Variants in CASC3 observed in about 807,000 individuals in gnomAD.
CASC3 encodes protein CASC3.
Under a neutral mutation model 80.5 loss-of-function variants are expected in CASC3, and 30 were observed. The ratio of observed to expected loss-of-function variants is 0.37; its 90% confidence interval spans 0.28 to 0.51. The LOEUF (loss-of-function observed/expected upper bound fraction) is 0.51, where lower values mean the gene tolerates loss of function less well. CASC3 is among the 20% of genes least tolerant of loss of function. The probability of loss-of-function intolerance (pLI) is 0.94; values close to 1 mark genes in which losing one functional copy is unlikely to be tolerated. For missense variants in CASC3, 824 were observed against 922.2 expected, an observed-to-expected ratio of 0.89 and a Z score of 1.38; for synonymous variants, 312 against 333.6, an observed-to-expected ratio of 0.94 and a Z score of 0.70.
chr17:40,164,458 A>G (rs887306830), intron 7 of CASC3, among the ~76,000 whole-genome samples: 1 of 142,230 alleles, frequency 7.0e-6, no homozygotes, highest in Non-Finnish European at 1.5e-5. Flanking sequence ...TTATTTATTT[A>G]TTTGTTTTGA....
chr17:40,170,433 C>T lies in CASC3; in HGVS notation c.*42-14C>T. On this transcript the variant is annotated splice_polypyrimidine_tract_variant and intron_variant, in intron 13 of 13. Coordinates refer to ENST00000264645, the MANE Select transcript of CASC3 (RefSeq NM_007359.5). ...ACACTTTGGTGGTTCTTCCCTTTTTCCAACCCCTGTCAGAGCAGCAGAGGT... is the reference window on the plus strand; with the variant it reads ...ACACTTTGGTGGTTCTTCCCTTTTTTCAACCCCTGTCAGAGCAGCAGAGGT... The T allele has an allele frequency of 4.1e-6, 4 of 985,524 alleles. No homozygotes were observed. The highest frequency in any genetic ancestry group is 4.8e-6 in the Non-Finnish European group (4 of 829,952). The allele number at this position is 985,524 out of a possible 1,614,324, so 61.0% of individuals were successfully genotyped here. A position where few individuals can be genotyped will look rare whatever the true frequency, so the allele number is the denominator to read the frequency against.
chr17:40,145,399 C>T (rs1162690699), intron 3 of CASC3, among the ~76,000 whole-genome samples: 1 of 146,370 alleles, frequency 6.8e-6, no homozygotes, highest in Non-Finnish European at 1.5e-5. Context: ...GTCTCCATCT[C>T]TTGACGTCGT....
intron 3 of CASC3, among the ~76,000 whole-genome samples, chr17:40,144,562 C>T (rs563133376): frequency 1.3e-5 from 2 of 151,178 alleles, no homozygotes; most frequent in African/African-American, 4.9e-5. Context: ...CCAGGCTGGT[C>T]ATGAACTCGT....
At chr17:40,142,793 C>T (rs777995387) in intron 3 of CASC3, among the ~76,000 whole-genome samples, 2 of 151,852 alleles carry the variant, frequency 1.3e-5, no homozygotes, top group Non-Finnish European at 2.9e-5. Context: ...CCCAGCTACT[C>T]GGGAGGCTGA....
intron 3 of CASC3, among the ~76,000 whole-genome samples, chr17:40,160,734 C>T (rs1388232767): frequency 1.3e-5 from 2 of 151,640 alleles, no homozygotes; most frequent in Admixed American, 1.3e-4. Flanking sequence ...CGCCTCCCGG[C>T]TAATTTTTGT....
rs763992172 is a variant in CASC3 at position 40,168,215 on chromosome 17, A to G, written c.1763A>G (p.His588Arg). The G allele has an allele frequency of 1.2e-6, 2 of 1,613,824 alleles. No homozygotes were observed. The highest frequency in any genetic ancestry group is 2.2e-5 in the East Asian group (1 of 44,892). ...TCTCCTTATCCAGGTTTACATCCCC[A>G]CCAGACACCAGCTCCTCTGCCCAAT... The part of the protein sequence containing the change: ...MNLPHPGLHP[H>R]QTPAPLPNPG... Residue 588 changes from histidine (H) to arginine (R), a missense_variant, in exon 11 of 14, where the codon CAC becomes CGC. His to Arg is a conservative substitution (Grantham distance 29). Coordinates refer to ENST00000264645, the MANE Select transcript of CASC3 (RefSeq NM_007359.5).
At chr17:40,143,920 A>G (rs1988786719) in intron 3 of CASC3, among the ~76,000 whole-genome samples, 1 of 151,552 alleles carries the variant, frequency 6.6e-6, no homozygotes, top group Admixed American at 6.6e-5. Flanking sequence ...TACCCCATTT[A>G]CCCTTACATG....
chr17:40,141,261 G>A, intron 2 of CASC3, 27 bp downstream of exon 2: 1 of 1,605,718 alleles, frequency 6.2e-7, no homozygotes, highest in African/African-American at 1.3e-5. Flanking sequence ...ACCCCATTAG[G>A]ACAAGAGTTT....
At position 40,142,655 on chromosome 17, in the gene CASC3, C is replaced by T. The variant is rs571322507; in HGVS notation, c.297+1048C>T. On this transcript the variant is annotated intron_variant, in intron 3 of 13. Coordinates refer to ENST00000264645, the MANE Select transcript of CASC3 (RefSeq NM_007359.5). ...TATAATCCCAGCACTTTGTGAGGCCCAGGCGGGCGGATCACGAGGTCAGGA... is the reference window on the plus strand; with the variant it reads ...TATAATCCCAGCACTTTGTGAGGCCTAGGCGGGCGGATCACGAGGTCAGGA... Among the ~76,000 whole-genome samples the T allele has an allele frequency of 1.1e-3, 160 of 152,112 alleles. 1 individual carries two copies. The Middle Eastern group carries it at 0.024, about 23-fold the overall frequency.
intron 2 of CASC3, 152 bp from the exon 3 acceptor site, chr17:40,141,418 G>A: frequency 1.2e-6 from 1 of 835,090 alleles, no homozygotes; most frequent in Non-Finnish European, 2.0e-6. Context: ...TACCCTCTGA[G>A]CCTGTTTCTC....
Position 40,164,164 on chromosome 17 carries a change from G to A in CASC3, c.1469G>A (p.Arg490Gln), listed in dbSNP as rs573143979. ...QPSFLQPREL[R>Q]GMPNHIHMGA... ...TCTTTCCTGCAACCACGGGAACTTC[G>A]AGGTAGGTATCATAGGATTGGTGGC... The change falls in exon 7 of 14, where the codon CGA (arginine) becomes CAA (glutamine). Residue 490 changes from arginine (R) to glutamine (Q), a missense_variant and splice_region_variant. Arg to Gln is a conservative substitution (Grantham distance 43). Around this residue, in one of 3 missense-constraint regions of CASC3, gnomAD observed 464 missense variants for 506.0 expected, o/e 0.92. Coordinates refer to ENST00000264645, the MANE Select transcript of CASC3 (RefSeq NM_007359.5). 8.8e-6 allele frequency: 14 copies of A among 1,598,552 alleles called. No homozygotes were observed. The highest frequency in any genetic ancestry group is 1.7e-4 in the Middle Eastern group (1 of 6,012).
chr17:40,141,362 A>G (rs1988712015), intron 2 of CASC3, 128 bp downstream of exon 2: 1 of 955,906 alleles, frequency 1.0e-6, no homozygotes, highest in African/African-American at 1.6e-5. Context: ...TTTTTGTAAC[A>G]TAGTGGTTAA....
intron 3 of CASC3, among the ~76,000 whole-genome samples, chr17:40,145,804 A>T (rs898790730): frequency 6.7e-6 from 1 of 149,838 alleles, no homozygotes. Flanking sequence ...TTGTTTTTTT[A>T]ATTTTTAGTA....
Position 40,163,844 on chromosome 17 carries a change from A to G in CASC3, c.1149A>G (p.Pro383=). ...SPEKEEAASE[P]PAAAPDAAPP... is the part of the protein sequence containing the mutation. ...AGAAGGAAGAGGCAGCCTCAGAGCCACCAGCTGCTGCTCCTGATGCTGCAC... is the reference window on the plus strand; with the variant it reads ...AGAAGGAAGAGGCAGCCTCAGAGCCGCCAGCTGCTGCTCCTGATGCTGCAC... Residue 383 remains proline, a synonymous_variant, in exon 7 of 14, where the codon CCA becomes CCG. Coordinates refer to ENST00000264645, the MANE Select transcript of CASC3 (RefSeq NM_007359.5). 6.2e-7 allele frequency: 1 copy of G among 1,614,188 alleles called. No individual in the cohort carries two copies. The highest frequency in any genetic ancestry group is 8.5e-7 in the Non-Finnish European group (1 of 1,180,028).
At chr17:40,162,544 C>G (rs1332526079) in intron 5 of CASC3, among the ~76,000 whole-genome samples, 181 bp from the exon 6 acceptor site, 1 of 151,992 alleles carries the variant, frequency 6.6e-6, no homozygotes, top group Non-Finnish European at 1.5e-5. Flanking sequence ...CCCAGCAGGC[C>G]CTGAGGTTCT....
chr17:40,170,680 C>T lies in CASC3; in HGVS notation c.*275C>T. The T allele has an allele frequency of 2.0e-6, 2 of 985,576 alleles. No individual in the cohort carries two copies. The highest frequency in any genetic ancestry group is 2.4e-6 in the Non-Finnish European group (2 of 829,932). 61.1% of individuals were successfully genotyped at this position (985,576 alleles called of 1,614,324 possible). On this transcript the variant is annotated 3_prime_UTR_variant, in exon 14 of 14. Transcript: ENST00000264645. ...GCAGAGAGAGCCAGACAGCCCCAAG[C>T]TTCTGAGTCTAGATACAGAAGCCCA... is the stretch of plus-strand genomic sequence containing the variant.
rs753972357 is a variant in CASC3, at chr17:40,168,253, C to T, written c.1801C>T (p.Pro601Ser). The part of the protein sequence containing the change: ...PAPLPNPGLY[P>S]PPVSMSPGQP... ...TCCTCTGCCCAATCCAGGCCTCTATCCCCCACCAGTGTCCATGTCTCCAGG... is the reference window on the plus strand; with the variant it reads ...TCCTCTGCCCAATCCAGGCCTCTATTCCCCACCAGTGTCCATGTCTCCAGG... The change falls in exon 11 of 14, where the codon CCC becomes TCC. Residue 601 changes from proline (P) to serine (S), a missense_variant. Around this residue, in one of 3 missense-constraint regions of CASC3, gnomAD observed 464 missense variants for 506.0 expected, o/e 0.92. Transcript: ENST00000264645. 7 of 1,614,142 alleles carry T rather than the reference C, an allele frequency of 4.3e-6. No individual in the cohort carries two copies. In the Admixed American group the frequency reaches 1.2e-4, roughly 27 times the overall value.
chr17:40,147,428 C>T (rs560945480), intron 3 of CASC3, among the ~76,000 whole-genome samples: 1 of 152,082 alleles, frequency 6.6e-6, no homozygotes, highest in African/African-American at 2.4e-5. Flanking sequence ...TGCTTGAGCC[C>T]AGGAGCCTGA....
chr17:40,165,166 G>T (rs974720375), intron 7 of CASC3, among the ~76,000 whole-genome samples: 3 of 150,932 alleles, frequency 2.0e-5, no homozygotes, highest in East Asian at 2.0e-4. Context: ...CTCGTGATCC[G>T]CCCACCTTGG....
Sources: allele counts gnomAD v4.1 joint callset (sites outside exome capture counted in the v4.1 genomes callset), GRCh38; gene constraint gnomAD v4.1.1; regional missense constraint gnomAD v4.1.1; transcripts MANE v1.5; gene names NCBI Gene and HGNC (gene_info 2026-07-23, HGNC 2026-07-21).